The following SLC30A8 variants were observed in gnomAD, a reference collection of about 807,000 sequenced individuals.
The protein encoded by SLC30A8 is solute carrier family 30 member 8.
In SLC30A8, 27 loss-of-function variants were observed where a neutral mutation model predicts 36.9. The ratio of observed to expected loss-of-function variants is 0.73; its 90% CI spans 0.54 to 1.01. The LOEUF is 1.01. Among genes scored for constraint, SLC30A8 ranks in the 50% least tolerant of loss-of-function variants. The pLI, the probability that SLC30A8 is intolerant of heterozygous loss-of-function variation, is 0.00. For missense variants in SLC30A8, 439 were observed against 452.0 expected, an observed-to-expected ratio of 0.97 and a Z score of 0.26; for synonymous variants, 164 against 172.4, an observed-to-expected ratio of 0.95 and a Z score of 0.38.
chr8:117,044,031 A>G (rs73701666), intron 2 of SLC30A8, among the ~76,000 whole-genome samples: 1,760 of 152,302 alleles, frequency 0.012, 40 homozygotes, highest in African/African-American at 0.04. Flanking sequence ...GTGTTGGAAG[A>G]ACTGTAATGA....
chr8:117,013,880 A>G (rs2130709540), intron 1 of SLC30A8, among the ~76,000 whole-genome samples: 1 of 152,308 alleles, frequency 6.6e-6, no homozygotes, highest in South Asian at 2.1e-4. Context: ...TATATTAATC[A>G]TTATCAGTCA....
rs55769964 is a variant in SLC30A8 at position 117,155,815 on chromosome 8, T to C, written c.419-1876T>C. ...TCAGTTCCAGGCCTCTCTCTTAGCT[T>C]CTGGTGGTTTTCTGGGAAACTTTGT... On this transcript the variant is annotated intron_variant, in intron 3 of 7. Coordinates refer to ENST00000456015, the MANE Select transcript of SLC30A8 (RefSeq NM_173851.3). Among the ~76,000 whole-genome samples the C allele has an allele frequency of 4.3e-3, 653 of 152,286 alleles. 4 individuals are homozygous for C. The highest frequency in any genetic ancestry group is 0.015 in the African/African-American group (620 of 41,554).
chr8:117,048,818 T>C (rs1159599000), intron 2 of SLC30A8, among the ~76,000 whole-genome samples: 3 of 152,212 alleles, frequency 2.0e-5, no homozygotes, highest in African/African-American at 7.2e-5. Flanking sequence ...GACTTTGTGT[T>C]ATTTTAAGAT....
chr8:117,075,310 C>T (rs1297056011), intron 2 of SLC30A8, among the ~76,000 whole-genome samples: 1 of 152,146 alleles, frequency 6.6e-6, no homozygotes, highest in East Asian at 1.9e-4. Context: ...GCTAACTGGG[C>T]AGAATCTCAA....
At chr8:117,041,708 TA>T (rs940418437) in intron 2 of SLC30A8, among the ~76,000 whole-genome samples, 1 of 151,476 alleles carries the variant, frequency 6.6e-6, no homozygotes, top group African/African-American at 2.4e-5. Flanking sequence ...AATAAAAAAA[TA>T]AAAAAAATTC....
intron 2 of SLC30A8, among the ~76,000 whole-genome samples, chr8:117,050,829 A>G (rs1174266653): frequency 2.6e-5 from 4 of 152,250 alleles, no homozygotes; most frequent in Non-Finnish European, 5.9e-5. Context: ...TAGAAGGAAC[A>G]GTGGAGAAGA....
At chr8:116,970,966 A>G (rs1814776133) in intron 1 of SLC30A8, among the ~76,000 whole-genome samples, 2 of 152,094 alleles carry the variant, frequency 1.3e-5, no homozygotes, top group African/African-American at 2.4e-5. Flanking sequence ...GTAGTGGTGC[A>G]TGCCTGTAAT....
At chr8:116,956,034 G>T (rs1359844413) in intron 1 of SLC30A8, among the ~76,000 whole-genome samples, 2 of 152,196 alleles carry the variant, frequency 1.3e-5, no homozygotes, top group Non-Finnish European at 2.9e-5. Flanking sequence ...TGAGAACTTA[G>T]TTGAGGTTGG....
chr8:117,016,525 T>A (rs1439307324), intron 1 of SLC30A8, among the ~76,000 whole-genome samples: 1 of 152,208 alleles, frequency 6.6e-6, no homozygotes, highest in African/African-American at 2.4e-5. Flanking sequence ...TTTCTCCTGT[T>A]GAAATGCACG....
intron 1 of SLC30A8, among the ~76,000 whole-genome samples, chr8:116,954,825 A>G (rs571276792): frequency 1.8e-4 from 27 of 152,306 alleles, no homozygotes; most frequent in African/African-American, 6.0e-4. Context: ...TGGATAGCCA[A>G]ATAAGAGTAG....
At chr8:117,048,763 A>G (rs1186730966) in intron 2 of SLC30A8, among the ~76,000 whole-genome samples, 1 of 152,232 alleles carries the variant, frequency 6.6e-6, no homozygotes, top group African/African-American at 2.4e-5. Context: ...GAATGAATAC[A>G]ATAAGTCTTT....
At chr8:117,040,804 G>T (rs1041954670) in intron 2 of SLC30A8, among the ~76,000 whole-genome samples, 2 of 152,154 alleles carry the variant, frequency 1.3e-5, no homozygotes, top group Non-Finnish European at 2.9e-5. Context: ...CCATGAACCA[G>T]CTTCATAGCA....
chr8:116,970,142 A>G (rs1013223282), intron 1 of SLC30A8, among the ~76,000 whole-genome samples: 1 of 152,040 alleles, frequency 6.6e-6, no homozygotes, highest in African/African-American at 2.4e-5. Context: ...TTTAAATTTA[A>G]AAAATTTTTA....
chr8:117,154,061 C>T (rs1447469773), intron 3 of SLC30A8, among the ~76,000 whole-genome samples: 5 of 152,142 alleles, frequency 3.3e-5, no homozygotes, highest in Admixed American at 2.6e-4. Context: ...GTATATAACA[C>T]ATTTGACTGT....
At chr8:116,979,238 CAAAAAAAAAA>C (rs67998633) in intron 1 of SLC30A8, among the ~76,000 whole-genome samples, 18 of 64,290 alleles carry the variant, frequency 2.8e-4, no homozygotes, top group East Asian at 2.5e-3. Context: ...GACCCTGTCT[CAAAAAAAAAA>C]AAAAAAAAAA....
chr8:117,001,909 A>AT (rs1376676679), intron 1 of SLC30A8, among the ~76,000 whole-genome samples: 1 of 152,184 alleles, frequency 6.6e-6, no homozygotes, highest in East Asian at 1.9e-4. Context: ...GCAATGGTTT[A>AT]TTTATAAACC....
At chr8:116,970,501 A>T (rs1333012849) in intron 1 of SLC30A8, among the ~76,000 whole-genome samples, 1 of 152,222 alleles carries the variant, frequency 6.6e-6, no homozygotes, top group Admixed American at 6.5e-5. Flanking sequence ...TGTATGTGCT[A>T]TACTTTTATA....
chr8:117,038,123 A>T (rs1211370325), intron 1 of SLC30A8, among the ~76,000 whole-genome samples: 1 of 152,198 alleles, frequency 6.6e-6, no homozygotes, highest in African/African-American at 2.4e-5. Context: ...TTCTCTAAAC[A>T]GTAATTTTAT....
chr8:116,992,237 C>A (rs572380830), intron 1 of SLC30A8, among the ~76,000 whole-genome samples: 1 of 152,072 alleles, frequency 6.6e-6, no homozygotes, highest in Non-Finnish European at 1.5e-5. Flanking sequence ...CTTATTTTAA[C>A]TTTTAGGCCA....
Sources: allele counts gnomAD v4.1 joint callset (sites outside exome capture counted in the v4.1 genomes callset), GRCh38; gene constraint gnomAD v4.1.1; transcripts MANE v1.5; gene names NCBI Gene and HGNC (gene_info 2026-07-23, HGNC 2026-07-21).